The following CHD3 variants were observed in gnomAD, a reference collection of about 807,000 sequenced individuals.
The protein encoded by CHD3 is chromodomain helicase DNA binding protein 3.
Under a neutral mutation model 248.9 loss-of-function variants are expected in CHD3, and 52 were observed. The observed-to-expected ratio is 0.21, with a 90% CI of 0.17 to 0.26. The LOEUF (loss-of-function observed/expected upper bound fraction) is 0.26, where lower values mean the gene tolerates loss of function less well. Ranked by LOEUF, CHD3 falls within the 10% of genes least tolerant of loss-of-function variation. The pLI is 1.00. For synonymous variants in CHD3, 985 were observed against 985.2 expected (o/e 1.00, Z 0.00); for missense variants, 1,482 against 2,605.8 (o/e 0.57, Z 9.39).
Position 7,905,091 on chromosome 17 carries a change from C to T in CHD3, c.4073-9C>T, listed in dbSNP as rs750659358. ...CTCCCTGACCACTGGGCCCTTTCCA[C>T]CCCCACAGACAACCAGTCAGAGTAC... On this transcript the variant is annotated splice_polypyrimidine_tract_variant and intron_variant, in intron 25 of 39. Transcript: ENST00000330494. The surrounding 1 kb of genome is among the most constrained non-coding windows in gnomAD (Gnocchi z 5.8). 7 of 1,613,826 alleles carry T rather than the reference C, an allele frequency of 4.3e-6. No homozygotes were observed. The South Asian group carries it at 6.6e-5, about 15-fold the overall frequency.
chr17:7,904,363 C>T lies in CHD3; in HGVS notation c.3895-79C>T. On this transcript the variant is annotated intron_variant, in intron 24 of 39. Transcript: ENST00000330494. This position sits in a 1 kb window ranked among gnomAD's most constrained non-coding sequence, Gnocchi z 4.4. ...GGGAGACCGGATTGGGCTGACGCAG[C>T]AGAGTAGGGATTTCCTTGCAGTGGA... 2.2e-6 allele frequency: 3 copies of T among 1,375,536 alleles called. No homozygotes were observed. Among genetic ancestry groups the T allele is most frequent in the East Asian group, 2.3e-5 (1 of 43,320 alleles). 85.2% of individuals were successfully genotyped at this position (1,375,536 alleles called of 1,614,324 possible).
Position 7,911,734 on chromosome 17 carries a change from CTCT to C in CHD3, c.*152_*154del. On this transcript the variant is annotated 3_prime_UTR_variant, in exon 40 of 40. Coordinates refer to ENST00000330494, the MANE Select transcript of CHD3 (RefSeq NM_001005273.3). This position sits in a 1 kb window ranked among gnomAD's most constrained non-coding sequence, Gnocchi z 5.4. ...CCCTTTGCCCCTCTCTGCAGCTCCT[CTCT>C]TCAAGAAGGGCCCTTTGTCTTTCTC... is the stretch of plus-strand genomic sequence containing the variant. The C allele has an allele frequency of 6.5e-7, 1 of 1,540,660 alleles. No homozygotes were observed. Among genetic ancestry groups the C allele is most frequent in the Admixed American group, 2.0e-5 (1 of 50,660 alleles).
In CHD3 at chr17:7,907,727, C is replaced by T. The variant is rs964175168; in HGVS notation, c.5026+25C>T. 9.2e-6 allele frequency: 14 copies of T among 1,516,682 alleles called. No homozygotes were observed. Among genetic ancestry groups the T allele is most frequent in the Admixed American group, 5.3e-5 (2 of 37,462 alleles). The allele number at this position is 1,516,682 out of a possible 1,614,324, so 94.0% of individuals were successfully genotyped here. On this transcript the variant is annotated intron_variant, in intron 33 of 39. Coordinates refer to ENST00000330494, the MANE Select transcript of CHD3 (RefSeq NM_001005273.3). This position sits in a 1 kb window ranked among gnomAD's most constrained non-coding sequence, Gnocchi z 4.3. ...GGTAATGGGTGGAAGGGACCGGACA[C>T]CTGGGTCCCAGAGGGCATCAGGGGA...
At chr17:7,893,184 C>T in intron 4 of CHD3, 102 bp from the exon 5 acceptor site, 1 of 1,437,198 alleles carries the variant, frequency 7.0e-7, no homozygotes, top group Non-Finnish European at 9.2e-7. Flanking sequence ...TTCTCACCAC[C>T]CAGGAATCCT....
chr17:7,894,238 G>T lies in CHD3; in HGVS notation c.1048G>T (p.Gly350Cys). The change falls in exon 7 of 40, where the codon GGC (glycine) becomes TGC (cysteine). Residue 350 changes from glycine (G) to cysteine (C), a missense_variant. Transcript: ENST00000330494. The part of the protein sequence containing the change: ...GPVRTKKLKR[G>C]RPGRKKKKVL... ...TGTCCGCACCAAGAAACTAAAGAGA[G>T]GCCGGCCAGGAAGGAAGAAGAAGAA... 6.2e-7 allele frequency: 1 copy of T among 1,614,208 alleles called. No individual in the cohort carries two copies. Among genetic ancestry groups the T allele is most frequent in the South Asian group, 1.1e-5 (1 of 91,078 alleles).
chr17:7,887,464 G>A (rs768637813), upstream of CHD3, among the ~76,000 whole-genome samples: 1 of 151,902 alleles, frequency 6.6e-6, no homozygotes, highest in Non-Finnish European at 1.5e-5. Flanking sequence ...TGATTCCTTG[G>A]GGGTGGGGGT....
Position 7,908,129 on chromosome 17 carries a change from A to G in CHD3, c.5152+110A>G. On this transcript the variant is annotated intron_variant, in intron 34 of 39. Coordinates refer to ENST00000330494, the MANE Select transcript of CHD3 (RefSeq NM_001005273.3). The surrounding 1 kb of genome is among the most constrained non-coding windows in gnomAD (Gnocchi z 5.8). ...CTACCTTTAATTCCAAGTAACTTCC[A>G]ATGAAGTATGTTGCATGCTGACTCC... 7.5e-7 allele frequency: 1 copy of G among 1,334,524 alleles called. No individual in the cohort carries two copies. The highest frequency in any genetic ancestry group is 1.0e-6 in the Non-Finnish European group (1 of 971,318). The allele number at this position is 1,334,524 out of a possible 1,614,324, so 82.7% of individuals were successfully genotyped here. A position where few individuals can be genotyped will look rare whatever the true frequency, so the allele number is the denominator to read the frequency against.
chr17:7,895,282 AC>A lies in CHD3; in HGVS notation c.1504-56del. 6.2e-7 allele frequency: 1 copy of A among 1,600,462 alleles called. No individual in the cohort carries two copies. The highest frequency in any genetic ancestry group is 8.5e-7 in the Non-Finnish European group (1 of 1,170,772). On this transcript the variant is annotated intron_variant, in intron 9 of 39. Transcript: ENST00000330494. The surrounding 1 kb of genome is among the most constrained non-coding windows in gnomAD (Gnocchi z 4.9). ...TGTGGGACCCCTATCTTCTCATCTA[AC>A]AATGGGTTCTTTCTGCCTCTTTCTT...
chr17:7,904,738 A>G lies in CHD3; in HGVS notation c.4072+119A>G. On this transcript the variant is annotated intron_variant, in intron 25 of 39. Coordinates refer to ENST00000330494, the MANE Select transcript of CHD3 (RefSeq NM_001005273.3). This position sits in a 1 kb window ranked among gnomAD's most constrained non-coding sequence, Gnocchi z 4.4. ...CTAGAAGTCAGAGCCTTCCTCTGCTAAAAGGGAAAGACATAAGGTAGAGTC... is the reference window on the plus strand; with the variant it reads ...CTAGAAGTCAGAGCCTTCCTCTGCTGAAAGGGAAAGACATAAGGTAGAGTC... 5.1e-6 allele frequency: 5 copies of G among 980,580 alleles called. No homozygotes were observed. The highest frequency in any genetic ancestry group is 6.0e-6 in the Non-Finnish European group (4 of 671,522). The allele number at this position is 980,580 out of a possible 1,614,324, so 60.7% of individuals were successfully genotyped here.
chr17:7,908,999 T>C lies in CHD3; in HGVS notation c.5395-144T>C, dbSNP rs1268322418. On this transcript the variant is annotated intron_variant, in intron 36 of 39. Coordinates refer to ENST00000330494, the MANE Select transcript of CHD3 (RefSeq NM_001005273.3). The surrounding 1 kb of genome is among the most constrained non-coding windows in gnomAD (Gnocchi z 5.8). ...GGAGTGTGATCTGGGTCAGGGTTGC[T>C]GCTAGGTTCGCAGTCGGTTTGGAGC... 7.2e-7 allele frequency: 1 copy of C among 1,394,162 alleles called. No individual in the cohort carries two copies. Among genetic ancestry groups the C allele is most frequent in the Non-Finnish European group, 9.8e-7 (1 of 1,019,504 alleles). The allele number at this position is 1,394,162 out of a possible 1,614,324, so 86.4% of individuals were successfully genotyped here. A position where few individuals can be genotyped will look rare whatever the true frequency, so the allele number is the denominator to read the frequency against.
chr17:7,906,302 A>T lies in CHD3; in HGVS notation c.4359-251A>T. 1 of 680,994 alleles carries T rather than the reference A, an allele frequency of 1.5e-6. No homozygotes were observed. The highest frequency in any genetic ancestry group is 2.6e-6 in the Non-Finnish European group (1 of 378,832). The allele number at this position is 680,994 out of a possible 1,614,324, so 42.2% of individuals were successfully genotyped here. On this transcript the variant is annotated intron_variant, in intron 28 of 39. Transcript: ENST00000330494. The surrounding 1 kb of genome is among the most constrained non-coding windows in gnomAD (Gnocchi z 5.0). ...CTGGCAGGAGGAGCTGGTGGAAAGG[A>T]TGAAGAGCTGACTGATGGGGCCCAG...
Position 7,900,445 on chromosome 17 carries a change from G to A in CHD3, c.2804+34G>A. On this transcript the variant is annotated intron_variant, in intron 17 of 39. Transcript: ENST00000330494. This position sits in a 1 kb window ranked among gnomAD's most constrained non-coding sequence, Gnocchi z 6.5. ...TTCCCTAAGGGTAGTTGGCAGAGAT[G>A]AGAGGTGGAGCAGATAAAATGAGCT... The A allele has an allele frequency of 1.9e-6, 3 of 1,613,966 alleles. No individual in the cohort carries two copies. The East Asian group carries it at 6.7e-5, about 36-fold the overall frequency.
Position 7,904,709 on chromosome 17 carries a change from A to G in CHD3, c.4072+90A>G. The G allele has an allele frequency of 1.6e-6, 2 of 1,220,858 alleles. No homozygotes were observed. The highest frequency in any genetic ancestry group is 2.3e-6 in the Non-Finnish European group (2 of 876,234). The allele number at this position is 1,220,858 out of a possible 1,614,324, so 75.6% of individuals were successfully genotyped here. ...TGGAGCTATTTAGAGGGAAAGAGAG[A>G]AGCCTAGAAGTCAGAGCCTTCCTCT... On this transcript the variant is annotated intron_variant, in intron 25 of 39. Transcript: ENST00000330494. The surrounding 1 kb of genome is among the most constrained non-coding windows in gnomAD (Gnocchi z 4.4).
Position 7,903,747 on chromosome 17 carries a change from G to A in CHD3, c.3728-78G>A, listed in dbSNP as rs1970578385. The A allele has an allele frequency of 6.7e-7, 1 of 1,486,978 alleles. No individual in the cohort carries two copies. Among genetic ancestry groups the A allele is most frequent in the African/African-American group, 1.4e-5 (1 of 71,708 alleles). The allele number at this position is 1,486,978 out of a possible 1,614,324, so 92.1% of individuals were successfully genotyped here. On this transcript the variant is annotated intron_variant, in intron 23 of 39. Transcript: ENST00000330494. The surrounding 1 kb of genome is among the most constrained non-coding windows in gnomAD (Gnocchi z 6.8). ...CCTTCTCTAGGGCTCCTGTGAAAAG[G>A]ACGCAGAGTAGAAGCTTTCCCATCA...
chr17:7,902,797 G>T, intron 21 of CHD3, 70 bp downstream of exon 21: 1 of 1,588,906 alleles, frequency 6.3e-7, no homozygotes, highest in East Asian at 2.3e-5. Context: ...CCCTGGGATG[G>T]GAGGGGGACT....
intron 7 of CHD3, 55 bp downstream of exon 7, chr17:7,894,320 T>C (rs1004322728): frequency 2.5e-6 from 4 of 1,594,228 alleles, no homozygotes; most frequent in Admixed American, 1.7e-5. Context: ...CTCATTCTTA[T>C]TTTCAATTTT....
chr17:7,899,439 G>A lies in CHD3; in HGVS notation c.2440G>A (p.Val814Met), dbSNP rs750206690. 1 of 1,614,092 alleles carries A rather than the reference G, an allele frequency of 6.2e-7. No individual in the cohort carries two copies. The highest frequency in any genetic ancestry group is 8.5e-7 in the Non-Finnish European group (1 of 1,180,022). Residue 814 changes from valine to methionine, a missense_variant, in exon 15 of 40, where the codon GTG becomes ATG. Coordinates refer to ENST00000330494, the MANE Select transcript of CHD3 (RefSeq NM_001005273.3). The surrounding 1 kb of genome is among the most constrained non-coding windows in gnomAD (Gnocchi z 6.8). Reference sequence around the variant, plus strand: ...GATGTGGGCACCCAAATTCTATGTGGTGACATACACGGGTGACAAGGACAG... The same window carrying A: ...GATGTGGGCACCCAAATTCTATGTGATGACATACACGGGTGACAAGGACAG... ...FQMWAPKFYV[V>M]TYTGDKDSRA...
chr17:7,892,366 C>G (rs1017186546), intron 4 of CHD3, among the ~76,000 whole-genome samples: 2 of 151,766 alleles, frequency 1.3e-5, no homozygotes, highest in African/African-American at 4.8e-5. Context: ...ATTGTGAGGA[C>G]AAGATAAGGT....
rs1970811137 is a variant in CHD3, at chr17:7,905,436, A to G, written c.4139-185A>G. The stretch of plus-strand genomic sequence containing the variant: ...GTCAGATATCAGCTGTTAATTTTAA[A>G]ATATGACTGGTTCTTTTAGACTTAG... On this transcript the variant is annotated intron_variant, in intron 26 of 39. Transcript: ENST00000330494. The surrounding 1 kb of genome is among the most constrained non-coding windows in gnomAD (Gnocchi z 5.8). Among the ~76,000 whole-genome samples the G allele has an allele frequency of 6.6e-6, 1 of 152,192 alleles. No homozygotes were observed. The highest frequency in any genetic ancestry group is 1.9e-4 in the East Asian group (1 of 5,196).
Sources: allele counts gnomAD v4.1 joint callset (sites outside exome capture counted in the v4.1 genomes callset), GRCh38; gene constraint gnomAD v4.1.1; non-coding constraint Gnocchi (gnomAD v3.1); transcripts MANE v1.5; gene names NCBI Gene and HGNC (gene_info 2026-07-23, HGNC 2026-07-21).